Variants in OCA2 observed in about 807,000 individuals in gnomAD.
OCA2 encodes the protein OCA2 melanosomal transmembrane protein.
A neutral mutation model predicts 100.2 loss-of-function variants in OCA2; 77 were observed. The observed-to-expected ratio is 0.77, with a 90% confidence interval of 0.64 to 0.93. OCA2 has a LOEUF of 0.93. Among genes scored for constraint, OCA2 ranks in the 40% least tolerant of loss-of-function variants. OCA2 has a pLI of 0.00. For missense variants in OCA2, 1,062 were observed against 1,089.1 expected, an observed-to-expected ratio of 0.98 and a Z score of 0.35; for synonymous variants, 432 against 439.2, an observed-to-expected ratio of 0.98 and a Z score of 0.21.
intron 19 of OCA2, among the ~76,000 whole-genome samples, chr15:27,906,765 C>T (rs2038195380): frequency 6.6e-6 from 1 of 152,060 alleles, no homozygotes; most frequent in African/African-American, 2.4e-5. Flanking sequence ...ACAAAGGATT[C>T]CAATCCAGCC....
rs150153133 is a variant in OCA2, at chr15:28,060,504, T to C, written c.227+21144A>G. On this transcript the variant is annotated intron_variant, in intron 2 of 23. Transcript: ENST00000354638. ...AAAGTATTATTTTTGTAAGATGAGA[T>C]TTGCTTTCAAATCAAAGGAAGACGA... Among the ~76,000 whole-genome samples the C allele has an allele frequency of 3.1e-3, 471 of 152,286 alleles. 1 individual carries two copies. Among genetic ancestry groups the C allele is most frequent in the Middle Eastern group, 6.8e-3 (2 of 294 alleles).
Position 28,027,858 on chromosome 15 carries a change from C to G in OCA2, c.515+13G>C, listed in dbSNP as rs1248128636. On this transcript the variant is annotated intron_variant, in intron 4 of 23. Coordinates refer to ENST00000354638, the MANE Select transcript of OCA2 (RefSeq NM_000275.3). ...ACCGCTGCTGCCAGGGTGGGCACCC[C>G]AAGTCCGCCTACCTCAGCTTGGAAA... is the stretch of plus-strand genomic sequence containing the variant. 1 of 1,611,916 alleles carries G rather than the reference C, an allele frequency of 6.2e-7. No homozygotes were observed. The highest frequency in any genetic ancestry group is 2.2e-5 in the East Asian group (1 of 44,870).
intron 2 of OCA2, among the ~76,000 whole-genome samples, chr15:28,070,580 A>G: frequency 6.9e-6 from 1 of 144,884 alleles, no homozygotes. Context: ...CCCGTCTGGG[A>G]GGTGAGGGGC....
At chr15:27,886,420 A>G (rs982718844) in intron 19 of OCA2, among the ~76,000 whole-genome samples, 1 of 152,222 alleles carries the variant, frequency 6.6e-6, no homozygotes, top group Non-Finnish European at 1.5e-5. Context: ...CTCTAGCAGA[A>G]CCCTAAAATG....
At chr15:27,762,209 T>G (rs1281180790) in intron 23 of OCA2, among the ~76,000 whole-genome samples, 2 of 151,996 alleles carry the variant, frequency 1.3e-5, no homozygotes, top group Non-Finnish European at 2.9e-5. Context: ...TTTCTGAGTC[T>G]ACAATGTCTA....
chr15:28,015,072 C>A, intron 8 of OCA2, 143 bp from the exon 9 acceptor site: 1 of 903,394 alleles, frequency 1.1e-6, no homozygotes, highest in South Asian at 1.4e-5. Context: ...GCAGTGAGCA[C>A]AGGCCAGCGG....
chr15:27,800,802 CAAAAAAA>C (rs36031742), intron 23 of OCA2, among the ~76,000 whole-genome samples: 1 of 137,794 alleles, frequency 7.3e-6, no homozygotes, highest in East Asian at 2.1e-4. Context: ...CTATCTCTAC[CAAAAAAA>C]AAAAAAAAAT....
chr15:27,985,128 C>T lies in OCA2; in HGVS notation c.1300G>A (p.Ala434Thr), dbSNP rs1215470680. 1 of 1,614,008 alleles carries T rather than the reference C, an allele frequency of 6.2e-7. No individual in the cohort carries two copies. Among genetic ancestry groups the T allele is most frequent in the Admixed American group, 1.7e-5 (1 of 60,018 alleles). The change falls in exon 13 of 24, where the codon GCC becomes ACC. Residue 434 changes from alanine to threonine, a missense_variant. Physicochemically the swap from Ala to Thr is moderately conservative, Grantham distance 58. Coordinates refer to ENST00000354638, the MANE Select transcript of OCA2 (RefSeq NM_000275.3). The stretch of plus-strand genomic sequence containing the variant: ...TTGTCCAAGAAGGCAGAGAGGACGG[C>T]CGCGATGAGACAGAGCATGATGATC... ...AMIIMLCLIA[A>T]VLSAFLDNVT...
chr15:27,845,666 A>G (rs1204950936), intron 22 of OCA2, among the ~76,000 whole-genome samples: 1 of 152,010 alleles, frequency 6.6e-6, no homozygotes, highest in Non-Finnish European at 1.5e-5. Context: ...CCCCCCACAC[A>G]CACTCACACC....
chr15:28,090,499 T>G (rs755077916), intron 1 of OCA2, among the ~76,000 whole-genome samples: 42 of 152,178 alleles, frequency 2.8e-4, no homozygotes, highest in Admixed American at 6.5e-4. Context: ...CACAGAGTAT[T>G]CTGTAGCCAC....
chr15:27,888,091 G>C (rs1346871002), intron 19 of OCA2, among the ~76,000 whole-genome samples: 3 of 152,138 alleles, frequency 2.0e-5, no homozygotes, highest in Non-Finnish European at 4.4e-5. Flanking sequence ...ACTTAGCCAT[G>C]GAAGCCTCTT....
At position 28,032,047 on chromosome 15, in the gene OCA2, A is replaced by AG; in HGVS notation, c.326+17dup. 2 of 1,582,834 alleles carry AG rather than the reference A, an allele frequency of 1.3e-6. No homozygotes were observed. The highest frequency in any genetic ancestry group is 4.5e-5 in the East Asian group (2 of 44,736). On this transcript the variant is annotated intron_variant, in intron 3 of 23. Coordinates refer to ENST00000354638, the MANE Select transcript of OCA2 (RefSeq NM_000275.3). ...GCTCAGAAACTCTTACTTTCATATGAGGGGGAAAATATCTCACCCTTTCTC... is the reference window on the plus strand; with the variant it reads ...GCTCAGAAACTCTTACTTTCATATGAGGGGGGAAAATATCTCACCCTTTCTC...
At chr15:27,955,418 T>C (rs750617718) in intron 16 of OCA2, among the ~76,000 whole-genome samples, 1 of 152,070 alleles carries the variant, frequency 6.6e-6, no homozygotes, top group Non-Finnish European at 1.5e-5. Context: ...AAAATACATA[T>C]AATGACCTGA....
intron 18 of OCA2, among the ~76,000 whole-genome samples, chr15:27,928,503 G>A (rs2039128442): frequency 6.6e-6 from 1 of 152,178 alleles, no homozygotes; most frequent in Non-Finnish European, 1.5e-5. Context: ...TCTGCTTAGA[G>A]TCTCATGAAG....
chr15:27,914,747 T>C (rs1045816598), intron 19 of OCA2, among the ~76,000 whole-genome samples: 2 of 152,120 alleles, frequency 1.3e-5, no homozygotes, highest in African/African-American at 2.4e-5. Context: ...TCCATGCTCA[T>C]GGATAAGAAG....
rs552704446 is a variant in OCA2, at chr15:27,765,312, A to G, written c.2433-9840T>C. 4.6e-5 allele frequency among the ~76,000 whole-genome samples: 7 copies of G among 152,282 alleles called. No individual in the cohort carries two copies. The East Asian group carries it at 1.4e-3, about 29-fold the overall frequency. ...TTCCTGGGCCTTGAAGCATGACAAG[A>G]TAACGAGGGAATTCTTAACAGGACC... On this transcript the variant is annotated intron_variant, in intron 23 of 23. Transcript: ENST00000354638.
At chr15:28,025,950 T>G (rs189148195) in intron 4 of OCA2, among the ~76,000 whole-genome samples, 5 of 152,386 alleles carry the variant, frequency 3.3e-5, no homozygotes, top group Admixed American at 3.3e-4. Context: ...TTTAATGAAT[T>G]TGATGAATAA....
intron 2 of OCA2, among the ~76,000 whole-genome samples, chr15:28,041,481 G>GT (rs1435731331): frequency 6.6e-6 from 1 of 152,208 alleles, no homozygotes; most frequent in Non-Finnish European, 1.5e-5. Flanking sequence ...AAGGATGCCT[G>GT]TTTTGCTACT....
chr15:27,995,733 C>T (rs1052039806), intron 9 of OCA2, among the ~76,000 whole-genome samples: 16 of 151,680 alleles, frequency 1.1e-4, no homozygotes, highest in African/African-American at 3.6e-4. Flanking sequence ...GTATATTTTC[C>T]GAACACAATG....
Sources: gnomAD v4.1 joint callset for allele counts (sites outside exome capture counted in the v4.1 genomes callset) on GRCh38, gnomAD v4.1.1 for gene constraint, MANE v1.5 for transcripts, NCBI Gene and HGNC (gene_info 2026-07-23, HGNC 2026-07-21) for gene names.